RTN4: variants seen among roughly 807,000 people sequenced by gnomAD.
RTN4 encodes reticulon 4.
A neutral mutation model predicts 90.4 loss-of-function variants in RTN4; 32 were observed. The ratio of observed to expected loss-of-function variants is 0.35; its 90% CI spans 0.27 to 0.48. The LOEUF (loss-of-function observed/expected upper bound fraction) is 0.48. Ranked by LOEUF, RTN4 falls within the 20% of genes least tolerant of loss-of-function variation. The pLI is 0.99. For missense variants in RTN4, 1,706 were observed against 1,430.2 expected, an observed-to-expected ratio of 1.19 and a Z score of -3.11; for synonymous variants, 629 against 552.5, an observed-to-expected ratio of 1.14 and a Z score of -1.94.
chr2:55,133,641 GAGA>G, the RTN4 span, among the ~76,000 whole-genome samples: 2 of 152,284 alleles, frequency 1.3e-5, no homozygotes, highest in Admixed American at 6.5e-5. Context: ...CTGAGGCCCT[GAGA>G]AGAAGGGAAA....
intron 1 of RTN4, among the ~76,000 whole-genome samples, chr2:55,108,655 A>G (rs942049758): frequency 2.0e-5 from 3 of 152,154 alleles, no homozygotes; most frequent in Non-Finnish European, 4.4e-5. Flanking sequence ...CCATGCCCCT[A>G]TCCTTACCCA....
At chr2:55,032,561 G>A (rs1558832109) in intron 1 of RTN4, among the ~76,000 whole-genome samples, 1 of 151,922 alleles carries the variant, frequency 6.6e-6, no homozygotes, top group Non-Finnish European at 1.5e-5. Context: ...CTTAAAGGCA[G>A]ATTAGACAAT....
rs1217611210 is a variant in RTN4, at chr2:54,973,130, A to ACTC, written c.*23_*25dup. The ACTC allele has an allele frequency of 3.8e-6, 6 of 1,589,860 alleles. No homozygotes were observed. Among genetic ancestry groups the ACTC allele is most frequent in the Admixed American group, 3.4e-5 (2 of 59,664 alleles). On this transcript the variant is annotated 3_prime_UTR_variant, in exon 9 of 9. Transcript: ENST00000337526. ...AAATGAATATCCCCTTTAAAGATGA[A>ACTC]CTCCTACTAATTATTTTGGGCGTTT...
Position 54,973,808 on chromosome 2 carries a change from G to C in RTN4, c.3477+13C>G. ...TGCTCTATTCTGAAGTCAGCAGTTA[G>C]TTAGGAAATTACCTGATGCCGTTCA... is the stretch of plus-strand genomic sequence containing the variant. On this transcript the variant is annotated intron_variant, in intron 7 of 8. Transcript: ENST00000337526. 3.7e-6 allele frequency: 6 copies of C among 1,611,662 alleles called. No homozygotes were observed. Among genetic ancestry groups the C allele is most frequent in the Non-Finnish European group, 5.1e-6 (6 of 1,178,242 alleles).
chr2:55,049,865 G>C lies in RTN4; in HGVS notation c.436C>G (p.Pro146Ala). 7.6e-7 allele frequency: 1 copy of C among 1,316,670 alleles called. No individual in the cohort carries two copies. Among genetic ancestry groups the C allele is most frequent in the Non-Finnish European group, 9.6e-7 (1 of 1,036,278 alleles). The allele number at this position is 1,316,670 out of a possible 1,614,324, so 81.6% of individuals were successfully genotyped here. ...TGGGGGCTCACGCTGGCCGGGGGAG[G>C]AGGGGGAGGCCGGGCCGGAGGCTCG... is the stretch of plus-strand genomic sequence containing the variant. ...DDEPPARPPP[P>A]PPASVSPQAE... Residue 146 changes from proline (P) to alanine (A), a missense_variant, in exon 1 of 9, where the codon CCT becomes GCT. Physicochemically the swap from Pro to Ala is conservative, Grantham distance 27. Coordinates refer to ENST00000337526, the MANE Select transcript of RTN4 (RefSeq NM_020532.5).
chr2:55,054,094 A>C (rs143427603), upstream of RTN4, among the ~76,000 whole-genome samples: 6 of 152,356 alleles, frequency 3.9e-5, no homozygotes, highest in Admixed American at 3.9e-4. Flanking sequence ...TGTACCCATA[A>C]ATTTATACAA....
Position 55,110,082 on chromosome 2 carries a change from G to A in RTN4, c.-214+2438C>T, listed in dbSNP as rs13027902. The stretch of plus-strand genomic sequence containing the variant: ...CCAGCATTGTGGGAAGTCGAGACTG[G>A]TGGATAGCTTGAGCCCAGGAGTTCG... On this transcript the variant is annotated intron_variant, in intron 1 of 3. Transcript: ENST00000427710. Among the ~76,000 whole-genome samples, 1,441 of 152,254 alleles carry A rather than the reference G, an allele frequency of 9.5e-3. 6 individuals are homozygous for A. Among genetic ancestry groups the A allele is most frequent in the Non-Finnish European group, 0.015 (1,025 of 68,004 alleles).
intron 1 of RTN4, among the ~76,000 whole-genome samples, chr2:55,101,750 T>G (rs2105056735): frequency 6.6e-6 from 1 of 152,254 alleles, no homozygotes; most frequent in African/African-American, 2.4e-5. Flanking sequence ...AGCATAGGAA[T>G]TATTAATTAG....
intron 3 of RTN4, among the ~76,000 whole-genome samples, chr2:54,997,096 G>A (rs577078533): frequency 2.0e-5 from 3 of 152,268 alleles, no homozygotes; most frequent in Admixed American, 2.0e-4. Context: ...CACAGAACGA[G>A]AGAAAACACT....
intron 2 of RTN4, among the ~76,000 whole-genome samples, chr2:55,077,212 A>G (rs1227188952): frequency 6.6e-6 from 1 of 151,798 alleles, no homozygotes; most frequent in Non-Finnish European, 1.5e-5. Flanking sequence ...ACGGGGTTTC[A>G]CCGTGTTAGC....
chr2:55,009,685 T>C (rs1337264470), intron 3 of RTN4, among the ~76,000 whole-genome samples: 1 of 152,232 alleles, frequency 6.6e-6, no homozygotes, highest in Non-Finnish European at 1.5e-5. Flanking sequence ...TACAAACCTT[T>C]GCACAGAATT....
chr2:55,123,980 G>A, the RTN4 span, among the ~76,000 whole-genome samples: 5 of 152,176 alleles, frequency 3.3e-5, no homozygotes, highest in African/African-American at 7.2e-5. Context: ...CCCATTCAGG[G>A]ATGGACTAAG....
intron 1 of RTN4, among the ~76,000 whole-genome samples, chr2:55,083,467 G>A (rs528527872): frequency 3.9e-5 from 6 of 152,016 alleles, no homozygotes; most frequent in South Asian, 2.1e-4. Flanking sequence ...CTGCACTTCC[G>A]GCCTGGACAA....
intron 1 of RTN4, among the ~76,000 whole-genome samples, chr2:55,031,592 C>T (rs1383378144): frequency 6.6e-6 from 1 of 152,180 alleles, no homozygotes; most frequent in Non-Finnish European, 1.5e-5. Flanking sequence ...TGCTGAAGAC[C>T]TGATCTAAAA....
intron 1 of RTN4, among the ~76,000 whole-genome samples, chr2:55,095,428 C>G (rs1669014043): frequency 6.6e-6 from 1 of 152,044 alleles, no homozygotes; most frequent in African/African-American, 2.4e-5. Flanking sequence ...AAATTAACAT[C>G]TTATATTTGT....
At chr2:55,020,215 G>T (rs1457048911) in intron 3 of RTN4, among the ~76,000 whole-genome samples, 1 of 152,062 alleles carries the variant, frequency 6.6e-6, no homozygotes, top group East Asian at 1.9e-4. Context: ...CCTAAAATCT[G>T]TATGGAACCA....
chr2:55,033,062 A>AG (rs1682438117), intron 1 of RTN4, among the ~76,000 whole-genome samples: 3 of 151,592 alleles, frequency 2.0e-5, no homozygotes, highest in South Asian at 4.2e-4. Flanking sequence ...AAAAAAAAAA[A>AG]AAAGAAAAAA....
the RTN4 span, among the ~76,000 whole-genome samples, chr2:55,129,722 C>T: frequency 3.2e-4 from 49 of 152,244 alleles, no homozygotes; most frequent in Middle Eastern, 0.014. Flanking sequence ...CCACCACACC[C>T]AGCTAATTTT....
chr2:55,077,756 T>TACACACACACACACACACAC lies in RTN4; in HGVS notation c.-63+2713_-63+2732dup, dbSNP rs200121610. ...ACAAGTGGATAAAGAAAATGTTTTA[T>TACACACACACACACACACAC]ACACACACACACACACACACACACA... is the stretch of plus-strand genomic sequence containing the variant. On this transcript the variant is annotated intron_variant, in intron 2 of 3. Transcript: ENST00000427710. Among the ~76,000 whole-genome samples the TACACACACACACACACACAC allele has an allele frequency of 6.0e-4, 87 of 144,458 alleles. 1 individual carries two copies. The highest frequency in any genetic ancestry group is 2.1e-3 in the African/African-American group (83 of 38,840). The allele number at this position is 144,458 out of a possible 152,430, so 94.8% of individuals were successfully genotyped here. A position where few individuals can be genotyped will look rare whatever the true frequency, so the allele number is the denominator to read the frequency against.
Sources: gnomAD v4.1 joint callset for allele counts (sites outside exome capture counted in the v4.1 genomes callset) on GRCh38, gnomAD v4.1.1 for gene constraint, MANE v1.5 for transcripts, NCBI Gene and HGNC (gene_info 2026-07-23, HGNC 2026-07-21) for gene names.